The following CDS1 variants were observed in gnomAD, a reference collection of about 807,000 sequenced individuals.
The protein encoded by CDS1 is CDP-diacylglycerol synthase 1.
A neutral mutation model predicts 62.1 loss-of-function variants in CDS1; 41 were observed. That is an observed-to-expected ratio of 0.66 (90% CI 0.51 to 0.86). CDS1 has a LOEUF of 0.86. Ranked by LOEUF, CDS1 falls within the 40% of genes least tolerant of loss-of-function variation. The probability of loss-of-function intolerance (pLI) is 0.00; values close to 1 mark genes in which losing one functional copy is unlikely to be tolerated. For synonymous variants in CDS1, 185 were observed against 192.6 expected (o/e 0.96, Z 0.32); for missense variants, 470 against 550.1 (o/e 0.85, Z 1.46).
intron 2 of CDS1, 31 bp downstream of exon 2, chr4:84,604,401 G>A (rs1233433815): frequency 6.2e-7 from 1 of 1,601,630 alleles, no homozygotes; most frequent in East Asian, 2.2e-5. Flanking sequence ...GTATATCTTA[G>A]TGCACAAGAT....
intron 5 of CDS1, among the ~76,000 whole-genome samples, chr4:84,627,951 T>G (rs1296779901): frequency 1.3e-5 from 2 of 152,176 alleles, no homozygotes; most frequent in Non-Finnish European, 2.9e-5. Flanking sequence ...CCATTCAGAT[T>G]AATAGAAAAC....
intron 1 of CDS1, among the ~76,000 whole-genome samples, chr4:84,603,581 C>T (rs988466811): frequency 6.6e-6 from 1 of 152,166 alleles, no homozygotes; most frequent in Non-Finnish European, 1.5e-5. Flanking sequence ...GCAGTGACCA[C>T]CTTTGTTGAA....
At chr4:84,592,872 C>T (rs996526438) in intron 1 of CDS1, among the ~76,000 whole-genome samples, 4 of 152,082 alleles carry the variant, frequency 2.6e-5, no homozygotes, top group African/African-American at 9.7e-5. Context: ...CCTGGGTGAC[C>T]CAGGTGGGAT....
intron 3 of CDS1, among the ~76,000 whole-genome samples, chr4:84,610,949 AC>A (rs1437306704): frequency 6.6e-6 from 1 of 152,224 alleles, no homozygotes; most frequent in African/African-American, 2.4e-5. Flanking sequence ...GCAACACATG[AC>A]TATATATAAT....
At chr4:84,633,705 A>G (rs1232939722) in intron 6 of CDS1, 152 bp from the exon 7 acceptor site, 1 of 404,956 alleles carries the variant, frequency 2.5e-6, no homozygotes, top group Admixed American at 4.4e-5. Context: ...AACAAACATA[A>G]TTTACTAACA....
intron 5 of CDS1, among the ~76,000 whole-genome samples, chr4:84,629,349 A>C (rs760263544): frequency 8.6e-5 from 13 of 151,596 alleles, no homozygotes; most frequent in Non-Finnish European, 1.6e-4. Flanking sequence ...GTGGATTGAA[A>C]ATACTCTGAA....
chr4:84,642,672 G>T (rs1361145018), intron 10 of CDS1, among the ~76,000 whole-genome samples: 1 of 152,036 alleles, frequency 6.6e-6, no homozygotes, highest in Non-Finnish European at 1.5e-5. Flanking sequence ...TATAATTACA[G>T]CAACAAAGCA....
chr4:84,584,219 A>G (rs895313254), intron 1 of CDS1, among the ~76,000 whole-genome samples: 1 of 152,202 alleles, frequency 6.6e-6, no homozygotes, highest in African/African-American at 2.4e-5. Context: ...AAGAATAAGT[A>G]GATGCGATAT....
intron 10 of CDS1, among the ~76,000 whole-genome samples, chr4:84,641,553 T>C (rs929943613): frequency 4.6e-5 from 7 of 152,242 alleles, no homozygotes; most frequent in Non-Finnish European, 1.0e-4. Flanking sequence ...CTGACATCAG[T>C]TGACACAATT....
At chr4:84,608,783 C>A (rs1057267606) in intron 2 of CDS1, among the ~76,000 whole-genome samples, 1 of 152,048 alleles carries the variant, frequency 6.6e-6, no homozygotes, top group Non-Finnish European at 1.5e-5. Flanking sequence ...CTCGTTCTTC[C>A]CCTCCATGTG....
intron 1 of CDS1, among the ~76,000 whole-genome samples, chr4:84,598,541 A>G (rs1722827999): frequency 6.6e-6 from 1 of 151,982 alleles, no homozygotes; most frequent in African/African-American, 2.4e-5. Context: ...GTGATTTAAT[A>G]TATTATCCTT....
chr4:84,633,006 C>G (rs1213982776), intron 6 of CDS1, among the ~76,000 whole-genome samples: 3 of 152,106 alleles, frequency 2.0e-5, no homozygotes, highest in Non-Finnish European at 4.4e-5. Context: ...CACCTGTAGT[C>G]CCAGCTACTG....
chr4:84,634,200 G>A (rs930789878), intron 7 of CDS1, among the ~76,000 whole-genome samples: 1 of 152,004 alleles, frequency 6.6e-6, no homozygotes, highest in African/African-American at 2.4e-5. Flanking sequence ...ACATTTTCAG[G>A]TGTTAATAAA....
chr4:84,591,401 G>A (rs754406575), intron 1 of CDS1, among the ~76,000 whole-genome samples: 1 of 152,140 alleles, frequency 6.6e-6, no homozygotes, highest in Non-Finnish European at 1.5e-5. Flanking sequence ...GTAAATGCTT[G>A]TTGAGTGCCT....
intron 1 of CDS1, among the ~76,000 whole-genome samples, 185 bp from the exon 2 acceptor site, chr4:84,604,058 C>T (rs1049891834): frequency 4.6e-5 from 7 of 152,012 alleles, no homozygotes; most frequent in African/African-American, 1.7e-4. Flanking sequence ...TAGATTTTAG[C>T]GAAGATAGTC....
intron 1 of CDS1, among the ~76,000 whole-genome samples, chr4:84,593,929 G>T (rs1443470865): frequency 2.0e-5 from 3 of 152,136 alleles, no homozygotes; most frequent in Admixed American, 2.0e-4. Context: ...GAAGATAAGG[G>T]GTGAGGCAGC....
At chr4:84,600,457 T>G (rs1210510257) in intron 1 of CDS1, among the ~76,000 whole-genome samples, 1 of 152,220 alleles carries the variant, frequency 6.6e-6, no homozygotes, top group Non-Finnish European at 1.5e-5. Context: ...TTATGTAAGA[T>G]TTATAGCTTT....
chr4:84,608,093 A>G (rs1723187569), intron 2 of CDS1, among the ~76,000 whole-genome samples: 3 of 152,220 alleles, frequency 2.0e-5, no homozygotes, highest in Admixed American at 2.0e-4. Flanking sequence ...GAGGGAGACC[A>G]GTTCTCAGCA....
chr4:84,602,382 A>G (rs748538136), intron 1 of CDS1, among the ~76,000 whole-genome samples: 23 of 152,202 alleles, frequency 1.5e-4, no homozygotes, highest in Non-Finnish European at 2.6e-4. Context: ...TGGACTTTGA[A>G]GTGGCTTGCA....
Sources: gnomAD v4.1 joint callset for allele counts (sites outside exome capture counted in the v4.1 genomes callset) on GRCh38, gnomAD v4.1.1 for gene constraint, MANE v1.5 for transcripts, NCBI Gene and HGNC (gene_info 2026-07-23, HGNC 2026-07-21) for gene names.